Variants in C8orf34 observed in about 807,000 individuals in gnomAD.
The protein encoded by C8orf34 is uncharacterized protein C8orf34.
In C8orf34, 65 loss-of-function variants were observed where a neutral mutation model predicts 68.3. The ratio of observed to expected loss-of-function variants is 0.95; its 90% CI spans 0.78 to 1.17. The LOEUF (loss-of-function observed/expected upper bound fraction) is 1.17, where lower values mean the gene tolerates loss of function less well. Among genes scored for constraint, C8orf34 ranks in the 50% most tolerant of loss-of-function variants. The pLI, the probability that C8orf34 is intolerant of heterozygous loss-of-function variation, is 0.00. For missense variants in C8orf34, 664 were observed against 655.4 expected (o/e 1.01, Z -0.14); for synonymous variants, 244 against 241.2 (o/e 1.01, Z -0.11).
intron 8 of C8orf34, among the ~76,000 whole-genome samples, chr8:68,650,599 C>T (rs1490148129): frequency 2.0e-5 from 3 of 151,728 alleles, no homozygotes; most frequent in African/African-American, 7.3e-5. Flanking sequence ...CCTGCCTCAG[C>T]CTCCCAAGTA....
chr8:68,744,249 A>G (rs1213005117), intron 10 of C8orf34, among the ~76,000 whole-genome samples: 1 of 150,682 alleles, frequency 6.6e-6, no homozygotes, highest in African/African-American at 2.4e-5. Flanking sequence ...ACCATCATCA[A>G]AGACCAAAAG....
At chr8:68,426,368 A>G (rs1294127522) in intron 1 of C8orf34, among the ~76,000 whole-genome samples, 6 of 151,708 alleles carry the variant, frequency 4.0e-5, no homozygotes, top group Non-Finnish European at 8.8e-5. Context: ...AAAATGCAAA[A>G]ATTGCCTGGG....
At chr8:68,728,628 A>G (rs1293316790) in intron 10 of C8orf34, among the ~76,000 whole-genome samples, 1 of 152,190 alleles carries the variant, frequency 6.6e-6, no homozygotes, top group African/African-American at 2.4e-5. Context: ...AAAAGTGGAA[A>G]CCTCTGATAA....
chr8:68,680,352 T>C (rs1207473206), intron 8 of C8orf34, among the ~76,000 whole-genome samples: 2 of 152,130 alleles, frequency 1.3e-5, no homozygotes, highest in Non-Finnish European at 2.9e-5. Flanking sequence ...CCACCCCCAA[T>C]ATTTCAATGT....
intron 5 of C8orf34, among the ~76,000 whole-genome samples, chr8:68,496,590 G>T (rs1813534192): frequency 6.6e-6 from 1 of 152,144 alleles, no homozygotes; most frequent in African/African-American, 2.4e-5. Flanking sequence ...CGGGCTGTCA[G>T]GCCGCTTGAC....
intron 1 of C8orf34, among the ~76,000 whole-genome samples, chr8:68,406,159 A>G (rs1329406287): frequency 6.6e-6 from 1 of 152,168 alleles, no homozygotes; most frequent in Non-Finnish European, 1.5e-5. Context: ...ACAGAGAGGA[A>G]ACAAATGGAA....
intron 10 of C8orf34, among the ~76,000 whole-genome samples, chr8:68,736,771 C>T (rs1822134128): frequency 6.6e-6 from 1 of 151,910 alleles, no homozygotes; most frequent in Non-Finnish European, 1.5e-5. Context: ...CCACTTTTTC[C>T]AAATGGTTAG....
intron 1 of C8orf34, among the ~76,000 whole-genome samples, chr8:68,362,794 A>G (rs1386967231): frequency 6.6e-6 from 1 of 150,454 alleles, no homozygotes; most frequent in Non-Finnish European, 1.5e-5. Context: ...AAGATGGGGA[A>G]AAAACAGAAC....
At chr8:68,506,911 G>T (rs6472400) in intron 5 of C8orf34, among the ~76,000 whole-genome samples, 34,392 of 151,278 alleles carry the variant, frequency 0.23, 6,002 homozygotes, top group African/African-American at 0.49. Context: ...TTTGAAGTTT[G>T]TCATTTGTCC....
intron 12 of C8orf34, among the ~76,000 whole-genome samples, chr8:68,790,198 G>A (rs1023746727): frequency 5.9e-5 from 9 of 152,150 alleles, no homozygotes; most frequent in African/African-American, 2.2e-4. Flanking sequence ...CAACGCATGT[G>A]GTTTGCAGAA....
rs28754551 is a variant in C8orf34 at position 68,375,495 on chromosome 8, G to A, written c.327+44156G>A. 2.0e-3 allele frequency among the ~76,000 whole-genome samples: 312 copies of A among 152,234 alleles called. 3 individuals carry two copies. The highest frequency in any genetic ancestry group is 6.9e-3 in the African/African-American group (288 of 41,556). The stretch of plus-strand genomic sequence containing the variant: ...CATTAAATGGACATGCACAAGCATC[G>A]TTGCAATAGAAACTCATATAGAATG... On this transcript the variant is annotated intron_variant, in intron 1 of 13. Transcript: ENST00000518698.
chr8:68,773,833 T>C (rs1250855773), intron 10 of C8orf34, among the ~76,000 whole-genome samples: 2 of 152,060 alleles, frequency 1.3e-5, no homozygotes, highest in African/African-American at 2.4e-5. Context: ...GGTGTAGATA[T>C]GACACTGACA....
chr8:68,465,709 C>A (rs1450608582), intron 3 of C8orf34, among the ~76,000 whole-genome samples: 2 of 151,604 alleles, frequency 1.3e-5, no homozygotes, highest in East Asian at 3.9e-4. Context: ...GGACAAAAAA[C>A]CAAACACCGC....
At chr8:68,650,410 A>T (rs62520961) in intron 8 of C8orf34, among the ~76,000 whole-genome samples, 26,932 of 151,694 alleles carry the variant, frequency 0.18, 2,904 homozygotes, top group East Asian at 0.55. Flanking sequence ...CATAGGGCAC[A>T]AAAGATTGGT....
rs182964739 is a variant in C8orf34 at position 68,796,655 on chromosome 8, G to A, written c.1549+9119G>A. Among the ~76,000 whole-genome samples the A allele has an allele frequency of 1.1e-3, 168 of 152,164 alleles. 3 individuals are homozygous for A. The East Asian group carries it at 0.031, about 28-fold the overall frequency. Reference sequence around the variant, plus strand: ...TAAATGAACAGATCAAATATAATAAGCATCCTGGTTTAAAATGGGGGAAAT... The same window carrying A: ...TAAATGAACAGATCAAATATAATAAACATCCTGGTTTAAAATGGGGGAAAT... On this transcript the variant is annotated intron_variant, in intron 12 of 13. Transcript: ENST00000518698.
chr8:68,367,730 C>A (rs1807342563), intron 1 of C8orf34, among the ~76,000 whole-genome samples: 1 of 132,140 alleles, frequency 7.6e-6, no homozygotes. Context: ...AAGGGAATAC[C>A]ACACTCTGGG....
intron 8 of C8orf34, among the ~76,000 whole-genome samples, chr8:68,675,885 G>A (rs191583337): frequency 2.9e-4 from 44 of 152,172 alleles, no homozygotes; most frequent in Non-Finnish European, 5.6e-4. Flanking sequence ...GAAAATAAAC[G>A]AATGGAAAAA....
chr8:68,744,380 C>T lies in C8orf34; in HGVS notation c.1404+22943C>T, dbSNP rs201116982. 6.5e-4 allele frequency among the ~76,000 whole-genome samples: 99 copies of T among 152,100 alleles called. No individual in the cohort carries two copies. In the East Asian group the frequency reaches 0.012, roughly 18 times the overall value. ...TCACCAGCAACGGAACAAAGCTGGA[C>T]GGAGAATGACTTTGACGAGCTGAGA... On this transcript the variant is annotated intron_variant, in intron 10 of 13. Transcript: ENST00000518698.
At chr8:68,737,525 C>T (rs1483726988) in intron 10 of C8orf34, among the ~76,000 whole-genome samples, 1 of 151,756 alleles carries the variant, frequency 6.6e-6, no homozygotes, top group Non-Finnish European at 1.5e-5. Context: ...TTGAAGAGAC[C>T]CATCTCATAT....
Sources: allele counts gnomAD v4.1 joint callset (sites outside exome capture counted in the v4.1 genomes callset), GRCh38; gene constraint gnomAD v4.1.1; transcripts MANE v1.5; gene names NCBI Gene and HGNC (gene_info 2026-07-23, HGNC 2026-07-21).